The following DCAF5 variants were observed in gnomAD, a reference collection of about 807,000 sequenced individuals.
The protein encoded by DCAF5 is DDB1- and CUL4-associated factor 5.
DCAF5 carries 9 observed loss-of-function variants against 80.7 expected under a neutral mutation model. That is an observed-to-expected ratio of 0.11 (90% confidence interval 0.07 to 0.19). The LOEUF (loss-of-function observed/expected upper bound fraction) is 0.19. DCAF5 is among the 10% of genes least tolerant of loss of function. DCAF5 has a pLI of 1.00. For missense variants in DCAF5, 842 were observed against 1,205.7 expected (o/e 0.70, Z 4.47); for synonymous variants, 433 against 461.9 (o/e 0.94, Z 0.80).
chr14:69,143,028 G>A (rs1222886718), intron 1 of DCAF5, among the ~76,000 whole-genome samples: 1 of 152,154 alleles, frequency 6.6e-6, no homozygotes, highest in Non-Finnish European at 1.5e-5. Flanking sequence ...GGAGACTTTA[G>A]ATAACTGCAA....
Position 69,087,474 on chromosome 14 carries a change from A to G in DCAF5, c.879+4200T>C, listed in dbSNP as rs565753150. Among the ~76,000 whole-genome samples, 9 of 152,350 alleles carry G rather than the reference A, an allele frequency of 5.9e-5. No homozygotes were observed. In the South Asian group the frequency reaches 1.9e-3, roughly 32 times the overall value. The stretch of plus-strand genomic sequence containing the variant: ...GAAGGTAGGCTTGCTTTAAACAAAA[A>G]AAGTAAAAAAGTGTAAGCCTTTAGT... On this transcript the variant is annotated intron_variant, in intron 6 of 8. Coordinates refer to ENST00000341516, the MANE Select transcript of DCAF5 (RefSeq NM_003861.3).
At chr14:69,151,232 G>T (rs1332414336) in intron 1 of DCAF5, among the ~76,000 whole-genome samples, 2 of 152,014 alleles carry the variant, frequency 1.3e-5, no homozygotes, top group Non-Finnish European at 2.9e-5. Flanking sequence ...GATGATCTAG[G>T]GCCAAAATCT....
chr14:69,068,389 A>G (rs2038545697), intron 7 of DCAF5, among the ~76,000 whole-genome samples: 1 of 152,154 alleles, frequency 6.6e-6, no homozygotes, highest in South Asian at 2.1e-4. Flanking sequence ...TCTTGACCCC[A>G]CTGGTAGAAT....
chr14:69,074,504 T>C (rs921533573), intron 7 of DCAF5, among the ~76,000 whole-genome samples: 12 of 152,226 alleles, frequency 7.9e-5, no homozygotes, highest in African/African-American at 2.9e-4. Context: ...GTTGCAGCCT[T>C]TTTTCAGAAT....
rs112398952 is a variant in DCAF5, at chr14:69,054,145, G to C, written c.2541C>G (p.Asn847Lys). Residue 847 changes from asparagine (N) to lysine (K), a missense_variant, in exon 9 of 9, where the codon AAC (asparagine) becomes AAG (lysine). By Grantham distance (94) the Asn-to-Lys change is moderately conservative. Transcript: ENST00000341516. ...CCTCCAGCTCCCCCAAGTTCTGCCC[G>C]TTATTGTGAGGGTGAGGGGGACGAG... ...LHPRPPHPHN[N>K]GQNLGELEVV... 6.2e-7 allele frequency: 1 copy of C among 1,614,242 alleles called. No homozygotes were observed. The highest frequency in any genetic ancestry group is 2.2e-5 in the East Asian group (1 of 44,880).
chr14:69,108,490 G>A (rs2040243082), intron 5 of DCAF5, among the ~76,000 whole-genome samples: 1 of 152,126 alleles, frequency 6.6e-6, no homozygotes, highest in Non-Finnish European at 1.5e-5. Flanking sequence ...AAATGGGGTA[G>A]GGATTTAAGC....
At chr14:69,134,196 TC>T (rs899139327) in intron 1 of DCAF5, among the ~76,000 whole-genome samples, 4 of 152,182 alleles carry the variant, frequency 2.6e-5, no homozygotes, top group African/African-American at 9.7e-5. Flanking sequence ...ATCCAAGATG[TC>T]TGAGTCCAAA....
intron 5 of DCAF5, among the ~76,000 whole-genome samples, chr14:69,099,646 T>C (rs1203114973): frequency 6.6e-6 from 1 of 151,976 alleles, no homozygotes; most frequent in African/African-American, 2.4e-5. Context: ...ATCTTAGACT[T>C]TAAAGCAAGT....
At chr14:69,071,599 G>C (rs1177201379) in intron 7 of DCAF5, among the ~76,000 whole-genome samples, 3 of 152,058 alleles carry the variant, frequency 2.0e-5, no homozygotes, top group Admixed American at 1.3e-4. Context: ...GAAAGAGGGA[G>C]GGAGGGAGGG....
intron 5 of DCAF5, among the ~76,000 whole-genome samples, chr14:69,097,756 T>C (rs2139991116): frequency 6.6e-6 from 1 of 151,796 alleles, no homozygotes; most frequent in Non-Finnish European, 1.5e-5. Context: ...CTGGCTAATT[T>C]TTGTATTTTT....
At position 69,120,824 on chromosome 14, in the gene DCAF5, T is replaced by C. The variant is rs984531985; in HGVS notation, c.358+1393A>G. ...TCTACTCTGTCCTTGAGAACTCCAA[T>C]TGGACTTGAGAACAGTCCAACTGGA... On this transcript the variant is annotated intron_variant, in intron 2 of 8. Coordinates refer to ENST00000341516, the MANE Select transcript of DCAF5 (RefSeq NM_003861.3). Among the ~76,000 whole-genome samples the C allele has an allele frequency of 5.3e-5, 8 of 152,344 alleles. No individual in the cohort carries two copies. The East Asian group carries it at 5.8e-4, about 11-fold the overall frequency.
chr14:69,122,232 T>C lies in DCAF5; in HGVS notation c.343A>G (p.Lys115Glu). Residue 115 changes from lysine to glutamate, a missense_variant, in exon 2 of 9, where the codon AAA (lysine) becomes GAA (glutamate). By Grantham distance (56) the Lys-to-Glu change is moderately conservative. Around this residue, in one of 5 missense-constraint regions of DCAF5, gnomAD observed 142 missense variants for 311.9 expected, o/e 0.46. Coordinates refer to ENST00000341516, the MANE Select transcript of DCAF5 (RefSeq NM_003861.3). Reference sequence around the variant, plus strand: ...CCCTTTTTACCTCCAGAGAACACTTTAGTGTTCCCACTGTTGAAAGCCAGG... The same window carrying C: ...CCCTTTTTACCTCCAGAGAACACTTCAGTGTTCCCACTGTTGAAAGCCAGG... ...FCLAFNSGNTKVFSGGNDEQV... is the reference protein window; with the variant it reads ...FCLAFNSGNTEVFSGGNDEQV... 1 of 1,613,830 alleles carries C rather than the reference T, an allele frequency of 6.2e-7. No individual in the cohort carries two copies. The highest frequency in any genetic ancestry group is 8.5e-7 in the Non-Finnish European group (1 of 1,179,770).
intron 8 of DCAF5, among the ~76,000 whole-genome samples, chr14:69,061,521 G>A (rs940342105): frequency 6.6e-6 from 1 of 152,148 alleles, no homozygotes; most frequent in Non-Finnish European, 1.5e-5. Flanking sequence ...TCCTGGTAGA[G>A]GTGAGTTCAT....
At chr14:69,129,666 C>G (rs1239050199) in intron 1 of DCAF5, among the ~76,000 whole-genome samples, 1 of 152,098 alleles carries the variant, frequency 6.6e-6, no homozygotes, top group African/African-American at 2.4e-5. Flanking sequence ...CATTTCAGAC[C>G]ATTTAAGCCA....
chr14:69,056,837 A>G (rs2037993943), intron 8 of DCAF5, among the ~76,000 whole-genome samples: 1 of 152,148 alleles, frequency 6.6e-6, no homozygotes, highest in Non-Finnish European at 1.5e-5. Flanking sequence ...CCATTTCCAA[A>G]GAGGCTGAAG....
At chr14:69,100,497 C>G (rs1218944508) in intron 5 of DCAF5, among the ~76,000 whole-genome samples, 1 of 152,146 alleles carries the variant, frequency 6.6e-6, no homozygotes, top group African/African-American at 2.4e-5. Context: ...CTTAGTGTCC[C>G]TTACCATCCT....
chr14:69,133,916 A>C (rs1187969749), intron 1 of DCAF5, among the ~76,000 whole-genome samples: 1 of 152,240 alleles, frequency 6.6e-6, no homozygotes, highest in Non-Finnish European at 1.5e-5. Flanking sequence ...CTCCAAAATC[A>C]GATGACTAAT....
At chr14:69,146,827 C>T (rs1476442274) in intron 1 of DCAF5, among the ~76,000 whole-genome samples, 1 of 152,022 alleles carries the variant, frequency 6.6e-6, no homozygotes, top group Non-Finnish European at 1.5e-5. Context: ...TAGAAAAGGC[C>T]AGAAGAAAAT....
chr14:69,057,431 A>G (rs1460718100), intron 8 of DCAF5, among the ~76,000 whole-genome samples: 2 of 151,944 alleles, frequency 1.3e-5, no homozygotes, highest in Non-Finnish European at 2.9e-5. Flanking sequence ...GTCATTAACC[A>G]TGTTCTCTAA....
Sources: allele counts gnomAD v4.1 joint callset (sites outside exome capture counted in the v4.1 genomes callset), GRCh38; gene constraint gnomAD v4.1.1; regional missense constraint gnomAD v4.1.1; transcripts MANE v1.5; gene names NCBI Gene and HGNC (gene_info 2026-07-23, HGNC 2026-07-21).